SHISA9: variants seen among roughly 807,000 people sequenced by gnomAD.
The protein encoded by SHISA9 is shisa family member 9.
In SHISA9, 13 loss-of-function variants were observed where a neutral mutation model predicts 38.0. The observed-to-expected ratio is 0.34, with a 90% CI of 0.22 to 0.54. The LOEUF (loss-of-function observed/expected upper bound fraction) is 0.54, where lower values mean the gene tolerates loss of function less well. Ranked by LOEUF, SHISA9 falls within the 20% of genes least tolerant of loss-of-function variation. The probability of loss-of-function intolerance (pLI) is 0.91; values close to 1 mark genes in which losing one functional copy is unlikely to be tolerated. For synonymous variants in SHISA9, 275 were observed against 242.0 expected, an observed-to-expected ratio of 1.14 and a Z score of -1.27; for missense variants, 538 against 575.8, an observed-to-expected ratio of 0.93 and a Z score of 0.67.
At chr16:13,332,951 T>C in the SHISA9 span, among the ~76,000 whole-genome samples, 1 of 152,194 alleles carries the variant, frequency 6.6e-6, no homozygotes, top group African/African-American at 2.4e-5. Flanking sequence ...AGCTGGTCTG[T>C]CCTCTTTTGA....
chr16:13,544,388 A>G, the SHISA9 span, among the ~76,000 whole-genome samples: 1 of 133,460 alleles, frequency 7.5e-6, no homozygotes, highest in Non-Finnish European at 1.6e-5. Context: ...TCTTGCTCTT[A>G]GTTTTTCGGT....
At chr16:13,462,732 C>T in the SHISA9 span, among the ~76,000 whole-genome samples, 1 of 151,820 alleles carries the variant, frequency 6.6e-6, no homozygotes, top group Admixed American at 6.6e-5. Flanking sequence ...GAGGCCGAGG[C>T]GGGGGGATCA....
intron 2 of SHISA9, among the ~76,000 whole-genome samples, chr16:13,053,568 G>T (rs1182389500): frequency 6.6e-6 from 1 of 152,116 alleles, no homozygotes; most frequent in Non-Finnish European, 1.5e-5. Context: ...TTAAAATCTG[G>T]ACTCTACCCC....
At chr16:12,962,006 C>T (rs188704463) in intron 2 of SHISA9, among the ~76,000 whole-genome samples, 9 of 152,320 alleles carry the variant, frequency 5.9e-5, no homozygotes, top group Middle Eastern at 3.4e-3. Flanking sequence ...CCTGTGGCGA[C>T]GTCAACATCA....
the SHISA9 span, among the ~76,000 whole-genome samples, chr16:13,538,972 A>G: frequency 3.3e-5 from 5 of 152,112 alleles, no homozygotes; most frequent in African/African-American, 4.8e-5. Context: ...AATGCCTTCA[A>G]TGAGTTAATT....
Position 13,236,720 on chromosome 16 carries a change from C to T in SHISA9, c.*1311C>T, listed in dbSNP as rs2051388445. On this transcript the variant is annotated 3_prime_UTR_variant, in exon 5 of 5. Coordinates refer to ENST00000558583, the MANE Select transcript of SHISA9 (RefSeq NM_001145204.3). ...CATAACACCCTCTGAGGGGCTGCTA[C>T]AATGTCAGGGGTACCCAAGAACGAA... 6.6e-6 allele frequency: 1 copy of T among 152,140 alleles called. No homozygotes were observed. Among genetic ancestry groups the T allele is most frequent in the African/African-American group, 2.4e-5 (1 of 41,418 alleles). 9.4% of individuals were successfully genotyped at this position (152,140 alleles called of 1,614,324 possible).
At chr16:13,154,431 G>A (rs2050525433) in intron 2 of SHISA9, among the ~76,000 whole-genome samples, 1 of 152,216 alleles carries the variant, frequency 6.6e-6, no homozygotes. Context: ...CTGGATGGAA[G>A]CTTTAGGAGC....
At chr16:13,063,595 C>T (rs984182125) in intron 2 of SHISA9, among the ~76,000 whole-genome samples, 2 of 152,190 alleles carry the variant, frequency 1.3e-5, no homozygotes, top group African/African-American at 4.8e-5. Flanking sequence ...TCAGCATCCT[C>T]TTCTTTCTTT....
chr16:13,431,628 C>A, the SHISA9 span, among the ~76,000 whole-genome samples: 1 of 152,154 alleles, frequency 6.6e-6, no homozygotes, highest in East Asian at 1.9e-4. Flanking sequence ...CGATTTTTCT[C>A]ATTGATGGAT....
chr16:12,906,416 A>C (rs751349658), intron 1 of SHISA9, among the ~76,000 whole-genome samples: 24 of 152,012 alleles, frequency 1.6e-4, no homozygotes, highest in Non-Finnish European at 2.8e-4. Context: ...CTTCTGGGCT[A>C]ATTAGGGCTG....
At chr16:13,081,619 C>T (rs2073650684) in intron 2 of SHISA9, among the ~76,000 whole-genome samples, 2 of 151,644 alleles carry the variant, frequency 1.3e-5, no homozygotes, top group South Asian at 2.1e-4. Flanking sequence ...TGGTGTATAT[C>T]ACCAGATAAT....
At chr16:13,268,044 A>G in the SHISA9 span, among the ~76,000 whole-genome samples, 1 of 152,092 alleles carries the variant, frequency 6.6e-6, no homozygotes, top group African/African-American at 2.4e-5. Context: ...CAACTGCTAC[A>G]CAAATTCATG....
At chr16:12,997,268 C>T (rs2072468581) in intron 2 of SHISA9, among the ~76,000 whole-genome samples, 1 of 151,992 alleles carries the variant, frequency 6.6e-6, no homozygotes, top group African/African-American at 2.4e-5. Flanking sequence ...CTTGGCAGGA[C>T]ATCTTTGAAT....
At chr16:13,514,314 A>T in the SHISA9 span, among the ~76,000 whole-genome samples, 1 of 152,200 alleles carries the variant, frequency 6.6e-6, no homozygotes, top group African/African-American at 2.4e-5. Flanking sequence ...ATTTAAAAAA[A>T]GGAAAAAGAA....
At chr16:13,438,015 G>A in the SHISA9 span, among the ~76,000 whole-genome samples, 55 of 149,500 alleles carry the variant, frequency 3.7e-4, 1 homozygote, top group Middle Eastern at 6.9e-3. Context: ...ACAGGCATCC[G>A]CCACCAGGCC....
intron 2 of SHISA9, among the ~76,000 whole-genome samples, chr16:13,004,815 C>T (rs2072574762): frequency 6.6e-6 from 1 of 151,206 alleles, no homozygotes; most frequent in African/African-American, 2.4e-5. Context: ...ACCTGTAATC[C>T]CAGCTACTTG....
chr16:13,318,603 G>A, the SHISA9 span, among the ~76,000 whole-genome samples: 1 of 152,114 alleles, frequency 6.6e-6, no homozygotes, highest in Non-Finnish European at 1.5e-5. Context: ...TGGGATTTGG[G>A]AGCCACCGTG....
chr16:12,906,271 T>C (rs1253376411), intron 1 of SHISA9, among the ~76,000 whole-genome samples: 2 of 152,192 alleles, frequency 1.3e-5, no homozygotes, highest in East Asian at 1.9e-4. Context: ...GCATATTCTC[T>C]TGAAAGACAT....
the SHISA9 span, among the ~76,000 whole-genome samples, chr16:13,276,061 T>C: frequency 3.3e-5 from 5 of 152,024 alleles, no homozygotes; most frequent in African/African-American, 1.2e-4. Flanking sequence ...TTGTAGTCTT[T>C]TATCCCTCGC....
Sources: allele counts gnomAD v4.1 joint callset (sites outside exome capture counted in the v4.1 genomes callset), GRCh38; gene constraint gnomAD v4.1.1; transcripts MANE v1.5; gene names NCBI Gene and HGNC (gene_info 2026-07-23, HGNC 2026-07-21).